Variants in EPHA7 observed in about 807,000 individuals in gnomAD.
EPHA7 encodes EPH receptor A7.
In EPHA7, 25 loss-of-function variants were observed where a neutral mutation model predicts 112.6. The observed-to-expected ratio is 0.22, with a 90% CI of 0.16 to 0.31. EPHA7 has a LOEUF of 0.31. Among genes scored for constraint, EPHA7 ranks in the 10% least tolerant of loss-of-function variants. The pLI, the probability that EPHA7 is intolerant of heterozygous loss-of-function variation, is 1.00. For synonymous variants in EPHA7, 437 were observed against 406.5 expected (o/e 1.07, Z -0.90); for missense variants, 962 against 1,212.6 (o/e 0.79, Z 3.07).
chr6:93,318,268 T>C (rs555633789), intron 5 of EPHA7, among the ~76,000 whole-genome samples: 128 of 152,248 alleles, frequency 8.4e-4, no homozygotes, highest in Non-Finnish European at 1.5e-3. Context: ...CAGTTTTTAG[T>C]GCATGGCAGA....
rs189459589 is a variant in EPHA7 at position 93,262,667 on chromosome 6, G to T, written c.1798+1193C>A. 2.9e-3 allele frequency among the ~76,000 whole-genome samples: 446 copies of T among 151,394 alleles called. 2 individuals carry two copies. The highest frequency in any genetic ancestry group is 0.01 in the African/African-American group (421 of 41,446). On this transcript the variant is annotated intron_variant, in intron 9 of 16. Transcript: ENST00000369303. ...TATCATCAGAGGTTGAGATTCAAGA[G>T]AATTTCTTATTCAATTTGTATTTGT...
chr6:93,314,244 T>C (rs1773683224), intron 5 of EPHA7, among the ~76,000 whole-genome samples: 1 of 152,166 alleles, frequency 6.6e-6, no homozygotes, highest in African/African-American at 2.4e-5. Flanking sequence ...CTAAGAACTG[T>C]TATATGGCAA....
intron 5 of EPHA7, among the ~76,000 whole-genome samples, chr6:93,291,767 C>CAAAAAAAAAAAAAAA (rs66483422): frequency 1.4e-5 from 1 of 71,696 alleles, no homozygotes; most frequent in Non-Finnish European, 2.5e-5. Context: ...GACTCCGTCT[C>CAAAAAAAAAAAAAAA]AAAAAAAAAA....
At chr6:93,348,991 A>T (rs999731735) in intron 5 of EPHA7, among the ~76,000 whole-genome samples, 9 of 151,772 alleles carry the variant, frequency 5.9e-5, no homozygotes, top group Non-Finnish European at 1.0e-4. Flanking sequence ...TCACAGAAAC[A>T]TGTAATTTTC....
intron 5 of EPHA7, among the ~76,000 whole-genome samples, chr6:93,310,312 C>G (rs975589898): frequency 1.3e-5 from 2 of 152,070 alleles, no homozygotes; most frequent in Non-Finnish European, 2.9e-5. Flanking sequence ...GAAAAATCCC[C>G]CAATAGATGA....
chr6:93,404,345 C>G (rs1237843826), intron 3 of EPHA7, among the ~76,000 whole-genome samples: 1 of 151,838 alleles, frequency 6.6e-6, no homozygotes, highest in East Asian at 1.9e-4. Flanking sequence ...TATCACCTTT[C>G]AAGATGTTCT....
intron 3 of EPHA7, among the ~76,000 whole-genome samples, chr6:93,405,606 A>G (rs907118398): frequency 6.6e-6 from 1 of 151,320 alleles, no homozygotes; most frequent in African/African-American, 2.4e-5. Flanking sequence ...ACTTCATTCA[A>G]TTCTGACAAG....
chr6:93,363,652 C>T (rs79719736), intron 3 of EPHA7, among the ~76,000 whole-genome samples: 7,022 of 152,182 alleles, frequency 0.046, 198 homozygotes, highest in African/African-American at 0.065. Flanking sequence ...AAAAGACTAC[C>T]AGTTCCTCAA....
chr6:93,303,289 T>C (rs1302110104), intron 5 of EPHA7, among the ~76,000 whole-genome samples: 2 of 152,172 alleles, frequency 1.3e-5, no homozygotes, highest in African/African-American at 4.8e-5. Flanking sequence ...CACTTCTCAC[T>C]ACATTAAAAG....
chr6:93,246,684 T>C (rs930510115), intron 15 of EPHA7, 108 bp downstream of exon 15: 2 of 909,936 alleles, frequency 2.2e-6, no homozygotes, highest in African/African-American at 3.3e-5. Context: ...TATGAGTTTA[T>C]ACGTCAACAC....
At position 93,246,886 on chromosome 6, in the gene EPHA7, C is replaced by A. The variant is rs1769978146; in HGVS notation, c.2632G>T (p.Ala878Ser). 6.2e-7 allele frequency: 1 copy of A among 1,613,824 alleles called. No individual in the cohort carries two copies. The highest frequency in any genetic ancestry group is 1.1e-5 in the South Asian group (1 of 91,078). Residue 878 changes from alanine to serine, a missense_variant, in exon 15 of 17, where the codon GCT becomes TCT. Coordinates refer to ENST00000369303, the MANE Select transcript of EPHA7 (RefSeq NM_004440.4). The stretch of plus-strand genomic sequence containing the variant: ...ATCTGTTCAAATTTTGGCCTTTCAG[C>A]ACGCTCCTTTTGCCAACAATCCAAC... Reference protein sequence around the residue: ...LMLDCWQKERAERPKFEQIVG... With the variant: ...LMLDCWQKERSERPKFEQIVG...
chr6:93,244,768 T>G (rs540462424), intron 16 of EPHA7, among the ~76,000 whole-genome samples: 50 of 152,346 alleles, frequency 3.3e-4, no homozygotes, highest in African/African-American at 1.2e-3. Context: ...AAGCTTCTTT[T>G]GATCTCTTCA....
Position 93,245,409 on chromosome 6 carries a change from G to A in EPHA7, c.2771C>T (p.Thr924Ile), listed in dbSNP as rs752942156. 6.2e-7 allele frequency: 1 copy of A among 1,613,746 alleles called. No homozygotes were observed. The highest frequency in any genetic ancestry group is 1.3e-5 in the African/African-American group (1 of 75,030). The change falls in exon 16 of 17, where the codon ACC (threonine) becomes ATC (isoleucine). Residue 924 changes from threonine to isoleucine, a missense_variant. Physicochemically the swap from Thr to Ile is moderately conservative, Grantham distance 89. Coordinates refer to ENST00000369303, the MANE Select transcript of EPHA7 (RefSeq NM_004440.4). Reference protein sequence around the residue: ...LLDQNTPDFTTFCSVGEWLQA... With the variant: ...LLDQNTPDFTIFCSVGEWLQA... ...TAGCCATTCTCCAACTGAACAAAAG[G>A]TAGTGAAATCAGGAGTGTTTTGATC...
intron 5 of EPHA7, among the ~76,000 whole-genome samples, chr6:93,309,514 C>T (rs1238194726): frequency 6.6e-6 from 1 of 151,884 alleles, no homozygotes; most frequent in African/African-American, 2.4e-5. Flanking sequence ...CTTATAAAGA[C>T]ATTTTCATTT....
intron 3 of EPHA7, among the ~76,000 whole-genome samples, chr6:93,405,653 T>A (rs1168206888): frequency 6.6e-6 from 1 of 151,250 alleles, no homozygotes; most frequent in Non-Finnish European, 1.5e-5. Context: ...CATTTTATAC[T>A]TAAGGAAATT....
intron 5 of EPHA7, among the ~76,000 whole-genome samples, chr6:93,348,029 T>C (rs1775488499): frequency 6.6e-6 from 1 of 151,890 alleles, no homozygotes; most frequent in African/African-American, 2.4e-5. Context: ...TTCAAGAGTC[T>C]ACTAAGAGCA....
At position 93,373,337 on chromosome 6, in the gene EPHA7, T is replaced by C. The variant is rs555218246; in HGVS notation, c.833-14926A>G. On this transcript the variant is annotated intron_variant, in intron 3 of 16. Transcript: ENST00000369303. ...TTTCTTAAAATCTAAATGTTCTGTG[T>C]AAAGTAATTGTTCAATAACTTGGTC... Among the ~76,000 whole-genome samples, 5 of 152,170 alleles carry C rather than the reference T, an allele frequency of 3.3e-5. No homozygotes were observed. The South Asian group carries it at 1.0e-3, about 32-fold the overall frequency.
intron 3 of EPHA7, 52 bp from the exon 4 acceptor site, chr6:93,358,463 T>C: frequency 7.1e-7 from 1 of 1,410,952 alleles, no homozygotes; most frequent in Non-Finnish European, 9.6e-7. Flanking sequence ...AATCGATCTT[T>C]AAAAAAAAAT....
chr6:93,290,715 C>T (rs1772315403), intron 5 of EPHA7, among the ~76,000 whole-genome samples: 1 of 152,126 alleles, frequency 6.6e-6, no homozygotes, highest in African/African-American at 2.4e-5. Context: ...GTAATGTTTG[C>T]TTGCTGAGAT....
Sources: allele counts gnomAD v4.1 joint callset (sites outside exome capture counted in the v4.1 genomes callset), GRCh38; gene constraint gnomAD v4.1.1; transcripts MANE v1.5; gene names NCBI Gene and HGNC (gene_info 2026-07-23, HGNC 2026-07-21).